The following TMEM178A variants were observed in gnomAD, a reference collection of about 807,000 sequenced individuals.
TMEM178A encodes the protein transmembrane protein 178.
In TMEM178A, 12 loss-of-function variants were observed where a neutral mutation model predicts 29.1. That is an observed-to-expected ratio of 0.41 (90% CI 0.26 to 0.67). The LOEUF is 0.67. Among genes scored for constraint, TMEM178A ranks in the 30% least tolerant of loss-of-function variants. The pLI, the probability that TMEM178A is intolerant of heterozygous loss-of-function variation, is 0.29. For missense variants in TMEM178A, 366 were observed against 419.1 expected (o/e 0.87, Z 1.11); for synonymous variants, 210 against 187.2 (o/e 1.12, Z -0.99).
intron 1 of TMEM178A, among the ~76,000 whole-genome samples, chr2:39,685,452 C>G (rs1671036762): frequency 1.3e-5 from 2 of 152,192 alleles, no homozygotes; most frequent in South Asian, 4.1e-4. Flanking sequence ...TTGTGCTAGT[C>G]TTTCAATAAT....
At chr2:39,720,227 G>GT (rs1259058908), downstream of TMEM178A, among the ~76,000 whole-genome samples, 1 of 152,146 alleles carries the variant, frequency 6.6e-6, no homozygotes, top group African/African-American at 2.4e-5. Flanking sequence ...CAAGGGCCGG[G>GT]TGGGGGGTGC....
chr2:39,692,882 TAC>T (rs984577004), intron 1 of TMEM178A, among the ~76,000 whole-genome samples: 1 of 152,204 alleles, frequency 6.6e-6, no homozygotes, highest in African/African-American at 2.4e-5. Context: ...GCTTCTTACA[TAC>T]ACACATTTAA....
At chr2:39,674,965 T>C (rs1670555343) in intron 1 of TMEM178A, among the ~76,000 whole-genome samples, 1 of 152,204 alleles carries the variant, frequency 6.6e-6, no homozygotes, top group Admixed American at 6.5e-5. Flanking sequence ...TATACTATAA[T>C]GTGGGTGATA....
chr2:39,679,340 G>A (rs115243473), intron 1 of TMEM178A, among the ~76,000 whole-genome samples: 16 of 151,946 alleles, frequency 1.1e-4, no homozygotes, highest in Non-Finnish European at 2.4e-4. Context: ...GTTATTCTCA[G>A]TTTTCAAAGA....
intron 1 of TMEM178A, among the ~76,000 whole-genome samples, chr2:39,682,709 A>G (rs1198504866): frequency 6.6e-6 from 1 of 152,206 alleles, no homozygotes; most frequent in Non-Finnish European, 1.5e-5. Flanking sequence ...ATCAAGGTAT[A>G]TGGCATTTAC....
chr2:39,724,784 A>G, the TMEM178A span, among the ~76,000 whole-genome samples: 1 of 152,218 alleles, frequency 6.6e-6, no homozygotes, highest in Non-Finnish European at 1.5e-5. Flanking sequence ...TCTCTCAGCC[A>G]GTCTCTGGCA....
At chr2:39,681,406 T>A (rs183519380) in intron 1 of TMEM178A, among the ~76,000 whole-genome samples, 4 of 152,148 alleles carry the variant, frequency 2.6e-5, no homozygotes, top group Non-Finnish European at 5.9e-5. Context: ...GTTTGCCCTG[T>A]CATAAGCATT....
At chr2:39,690,971 C>CA (rs956290213) in intron 1 of TMEM178A, among the ~76,000 whole-genome samples, 26 of 152,088 alleles carry the variant, frequency 1.7e-4, no homozygotes, top group Non-Finnish European at 2.8e-4. Context: ...ATAACAGACT[C>CA]AATCAAACAG....
rs141875764 is a variant in TMEM178A, at chr2:39,717,848, A to G, written c.*597A>G. 2 of 153,036 alleles carry G rather than the reference A, an allele frequency of 1.3e-5. No individual in the cohort carries two copies. Among genetic ancestry groups the G allele is most frequent in the East Asian group, 3.9e-4 (2 of 5,172 alleles). The allele number at this position is 153,036 out of a possible 1,614,324, so 9.5% of individuals were successfully genotyped here. On this transcript the variant is annotated 3_prime_UTR_variant, in exon 4 of 4. Transcript: ENST00000281961. ...TCGAAATCATAAGATAAACAGATCAAACGTGCTTAAGAGCTAACTCGTGAC... is the reference window on the plus strand; with the variant it reads ...TCGAAATCATAAGATAAACAGATCAGACGTGCTTAAGAGCTAACTCGTGAC...
At chr2:39,720,824 G>A (rs1335834622), downstream of TMEM178A, among the ~76,000 whole-genome samples, 1 of 152,164 alleles carries the variant, frequency 6.6e-6, no homozygotes, top group African/African-American at 2.4e-5. Context: ...CGTGTGATGA[G>A]GCTAAATGGA....
At chr2:39,721,537 G>C (rs977165381), downstream of TMEM178A, among the ~76,000 whole-genome samples, 1 of 152,212 alleles carries the variant, frequency 6.6e-6, no homozygotes, top group Admixed American at 6.5e-5. Flanking sequence ...AAGGAGACAG[G>C]ACCATGGGTC....
intron 1 of TMEM178A, among the ~76,000 whole-genome samples, chr2:39,679,477 T>A (rs561020888): frequency 6.6e-6 from 1 of 151,848 alleles, no homozygotes; most frequent in African/African-American, 2.4e-5. Flanking sequence ...TCAAAAAAAA[T>A]CAGTGTATAA....
chr2:39,672,024 A>G (rs767565696), intron 1 of TMEM178A, among the ~76,000 whole-genome samples: 31 of 152,234 alleles, frequency 2.0e-4, no homozygotes, highest in Non-Finnish European at 4.1e-4. Context: ...CTGCTAGCTC[A>G]TACTACACAA....
chr2:39,706,785 T>G (rs1672054475), intron 2 of TMEM178A, among the ~76,000 whole-genome samples: 1 of 152,216 alleles, frequency 6.6e-6, no homozygotes, highest in South Asian at 2.1e-4. Flanking sequence ...TATCCTGGGC[T>G]TGTCCTCTAG....
chr2:39,669,733 G>T (rs1300013954), intron 1 of TMEM178A, among the ~76,000 whole-genome samples: 2 of 152,194 alleles, frequency 1.3e-5, no homozygotes, highest in African/African-American at 2.4e-5. Context: ...TTTAAACATA[G>T]TTATTTTTCT....
intron 1 of TMEM178A, among the ~76,000 whole-genome samples, chr2:39,667,397 G>T (rs1670215769): frequency 6.8e-6 from 1 of 147,852 alleles, no homozygotes; most frequent in Non-Finnish European, 1.5e-5. Flanking sequence ...AACTTGTGAA[G>T]CTTCCTTTAA....
intron 1 of TMEM178A, among the ~76,000 whole-genome samples, chr2:39,703,171 T>C (rs1219014508): frequency 6.6e-6 from 1 of 152,218 alleles, no homozygotes. Flanking sequence ...CATTCGCTCA[T>C]GCCTTTAAAA....
At chr2:39,730,932 G>A in the TMEM178A span, among the ~76,000 whole-genome samples, 1 of 152,188 alleles carries the variant, frequency 6.6e-6, no homozygotes, top group African/African-American at 2.4e-5. Flanking sequence ...AGAGTATCCT[G>A]TATGGAGACA....
At chr2:39,669,170 G>A (rs1419951611) in intron 1 of TMEM178A, among the ~76,000 whole-genome samples, 2 of 152,158 alleles carry the variant, frequency 1.3e-5, no homozygotes, top group African/African-American at 4.8e-5. Context: ...AAGGGCTCAA[G>A]AACTGTCTGG....
Sources: allele counts gnomAD v4.1 joint callset (sites outside exome capture counted in the v4.1 genomes callset), GRCh38; gene constraint gnomAD v4.1.1; transcripts MANE v1.5; gene names NCBI Gene and HGNC (gene_info 2026-07-23, HGNC 2026-07-21).